VTI1A: variants seen among roughly 807,000 people sequenced by gnomAD.
The protein encoded by VTI1A is vesicle transport through interaction with t-SNAREs 1A.
In VTI1A, 22 loss-of-function variants were observed where a neutral mutation model predicts 34.9. The ratio of observed to expected loss-of-function variants is 0.63; its 90% CI spans 0.45 to 0.90. The LOEUF (loss-of-function observed/expected upper bound fraction) is 0.90. Ranked by LOEUF, VTI1A falls within the 40% of genes least tolerant of loss-of-function variation. The probability of loss-of-function intolerance (pLI) is 0.00; values close to 1 mark genes in which losing one functional copy is unlikely to be tolerated. For missense variants in VTI1A, 268 were observed against 275.6 expected (o/e 0.97, Z 0.20); for synonymous variants, 87 against 97.3 (o/e 0.89, Z 0.62).
chr10:112,852,442 G>A, the VTI1A span, among the ~76,000 whole-genome samples: 7 of 152,134 alleles, frequency 4.6e-5, no homozygotes, highest in Non-Finnish European at 8.8e-5. Flanking sequence ...GCCTTCTTTG[G>A]AGATTTCCTC....
In VTI1A at chr10:112,526,709, A is replaced by G. The variant is rs559240083; in HGVS notation, c.265-378A>G. 5.5e-5 allele frequency among the ~76,000 whole-genome samples: 8 copies of G among 146,428 alleles called. No homozygotes were observed. The South Asian group carries it at 1.1e-3, about 20-fold the overall frequency. ...ATGTCCATTTCCTGCCACAATATTG[A>G]AAAAAAAAAACATATACTCCTGTCT... is the stretch of plus-strand genomic sequence containing the variant. On this transcript the variant is annotated intron_variant, in intron 3 of 7. Coordinates refer to ENST00000393077, the MANE Select transcript of VTI1A (RefSeq NM_145206.4).
chr10:112,548,865 GTGATCAATCACTTTT>G, intron 5 of VTI1A: 1 of 1,405,638 alleles, frequency 7.1e-7, no homozygotes, highest in Non-Finnish European at 9.7e-7. Flanking sequence ...TACCGGAACG[GTGATCAATCACTTTT>G]TAAAAAATCA....
chr10:112,460,005 T>A (rs1847678612), intron 1 of VTI1A, among the ~76,000 whole-genome samples: 1 of 152,172 alleles, frequency 6.6e-6, no homozygotes, highest in Admixed American at 6.5e-5. Context: ...TTGAGTGAGA[T>A]AGTAGCTTTC....
intron 7 of VTI1A, among the ~76,000 whole-genome samples, chr10:112,715,282 ATAATC>A (rs563047010): frequency 2.7e-4 from 41 of 152,234 alleles, no homozygotes; most frequent in Non-Finnish European, 5.1e-4. Flanking sequence ...ACCTAAATGA[ATAATC>A]TAAACACTGA....
At chr10:112,668,325 T>C (rs749787438) in intron 6 of VTI1A, 37 bp downstream of exon 6, 1 of 1,596,274 alleles carries the variant, frequency 6.3e-7, no homozygotes, top group South Asian at 1.1e-5. Context: ...ACATATTCAG[T>C]AAATGAAGAC....
chr10:112,619,202 C>T (rs972608624), intron 5 of VTI1A, among the ~76,000 whole-genome samples: 8 of 151,448 alleles, frequency 5.3e-5, no homozygotes, highest in African/African-American at 7.3e-5. Flanking sequence ...TAAGTATATG[C>T]GTGGTCCGAG....
chr10:112,811,016 C>G (rs577566670), intron 7 of VTI1A, among the ~76,000 whole-genome samples: 89 of 152,328 alleles, frequency 5.8e-4, no homozygotes, highest in African/African-American at 2.1e-3. Context: ...AAACCAGAGC[C>G]TCTCTTGGCT....
At chr10:112,751,016 G>A (rs975601745) in intron 7 of VTI1A, among the ~76,000 whole-genome samples, 1 of 152,190 alleles carries the variant, frequency 6.6e-6, no homozygotes, top group Non-Finnish European at 1.5e-5. Flanking sequence ...ATTTTTAAGT[G>A]TGAGTGTATG....
chr10:112,447,785 TGAGTA>T (rs1846969308), intron 1 of VTI1A, among the ~76,000 whole-genome samples: 1 of 152,178 alleles, frequency 6.6e-6, no homozygotes, highest in Non-Finnish European at 1.5e-5. Flanking sequence ...TATAGACATG[TGAGTA>T]TTCAAAGAAA....
intron 1 of VTI1A, chr10:112,449,935 T>TA (rs1393328087): frequency 4.6e-5 from 7 of 152,150 alleles, no homozygotes; most frequent in African/African-American, 1.7e-4. Flanking sequence ...GGTCTTGCTG[T>TA]ATCGCCCACG....
chr10:112,848,132 T>G, the VTI1A span, among the ~76,000 whole-genome samples: 1 of 152,236 alleles, frequency 6.6e-6, no homozygotes, highest in Non-Finnish European at 1.5e-5. Context: ...AGGTCTTGTC[T>G]TTTTGTTTCA....
the VTI1A span, among the ~76,000 whole-genome samples, chr10:112,854,153 G>A: frequency 6.6e-6 from 1 of 152,346 alleles, no homozygotes; most frequent in Non-Finnish European, 1.5e-5. Flanking sequence ...TCTGAACTCA[G>A]TAGTGATGCT....
At chr10:112,614,272 A>G (rs748048243) in intron 5 of VTI1A, among the ~76,000 whole-genome samples, 23 of 152,146 alleles carry the variant, frequency 1.5e-4, no homozygotes, top group Non-Finnish European at 2.8e-4. Flanking sequence ...GGCATTATCA[A>G]ATGTTGAAGT....
intron 1 of VTI1A, among the ~76,000 whole-genome samples, chr10:112,453,778 C>G (rs1847327818): frequency 1.3e-5 from 2 of 152,000 alleles, no homozygotes; most frequent in South Asian, 4.1e-4. Flanking sequence ...TCTGAGGAAT[C>G]CTGTTTCCTT....
At chr10:112,836,215 A>C in the VTI1A span, among the ~76,000 whole-genome samples, 1 of 152,166 alleles carries the variant, frequency 6.6e-6, no homozygotes, top group East Asian at 1.9e-4. Context: ...CCCAGCCCCA[A>C]CTGGGAAGTG....
the VTI1A span, chr10:112,826,256 G>A: frequency 8.7e-4 from 133 of 152,302 alleles, no homozygotes; most frequent in African/African-American, 3.2e-3. Flanking sequence ...TTAGAAACCA[G>A]TGTGTGGTGC....
chr10:112,642,581 TAC>T (rs926337872), intron 5 of VTI1A, among the ~76,000 whole-genome samples: 12 of 141,394 alleles, frequency 8.5e-5, no homozygotes, highest in Admixed American at 2.1e-4. Flanking sequence ...AGCACATATA[TAC>T]GTATACACTC....
intron 5 of VTI1A, among the ~76,000 whole-genome samples, chr10:112,617,538 G>C (rs11196022): frequency 0.027 from 4,101 of 152,100 alleles, 241 homozygotes; most frequent in East Asian, 0.17. Context: ...TGGAAGGAGA[G>C]TTCATTTTAA....
Position 112,763,280 on chromosome 10 carries a change from A to C in VTI1A, c.561-52010A>C, listed in dbSNP as rs141354556. Among the ~76,000 whole-genome samples, 875 of 152,086 alleles carry C rather than the reference A, an allele frequency of 5.8e-3. 8 individuals carry two copies. The highest frequency in any genetic ancestry group is 0.02 in the African/African-American group (823 of 41,482). On this transcript the variant is annotated intron_variant, in intron 7 of 7. Coordinates refer to ENST00000393077, the MANE Select transcript of VTI1A (RefSeq NM_145206.4). ...ACGGTGAAACCCTGTCTGTACTAAAAATACAAAAAATTAGCCGGGCATGGT... is the reference window on the plus strand; with the variant it reads ...ACGGTGAAACCCTGTCTGTACTAAACATACAAAAAATTAGCCGGGCATGGT...
Sources: allele counts gnomAD v4.1 joint callset (sites outside exome capture counted in the v4.1 genomes callset), GRCh38; gene constraint gnomAD v4.1.1; transcripts MANE v1.5; gene names NCBI Gene and HGNC (gene_info 2026-07-23, HGNC 2026-07-21).